Variants in RASAL2 observed in about 807,000 individuals in gnomAD.
RASAL2 encodes the protein RAS protein activator like 2.
In RASAL2, 58 loss-of-function variants were observed where a neutral mutation model predicts 128.9. That is an observed-to-expected ratio of 0.45 (90% CI 0.36 to 0.56). RASAL2 has a LOEUF of 0.56. Ranked by LOEUF, RASAL2 falls within the 20% of genes least tolerant of loss-of-function variation. The pLI, the probability that RASAL2 is intolerant of heterozygous loss-of-function variation, is 0.00. For missense variants in RASAL2, 1,360 were observed against 1,601.6 expected (o/e 0.85, Z 2.57); for synonymous variants, 561 against 580.8 (o/e 0.97, Z 0.49).
At chr1:178,395,013 A>G (rs953109149) in intron 4 of RASAL2, among the ~76,000 whole-genome samples, 1 of 152,186 alleles carries the variant, frequency 6.6e-6, no homozygotes, top group Admixed American at 6.5e-5. Flanking sequence ...TGAATCCTCT[A>G]TAAGATCCTA....
At chr1:178,136,391 G>A (rs1440003219) in intron 1 of RASAL2, among the ~76,000 whole-genome samples, 1 of 152,074 alleles carries the variant, frequency 6.6e-6, no homozygotes, top group Non-Finnish European at 1.5e-5. Flanking sequence ...TAGTATCTAA[G>A]GTTTCTTGTG....
At chr1:178,290,827 C>T (rs1376038393) in intron 2 of RASAL2, among the ~76,000 whole-genome samples, 4 of 152,058 alleles carry the variant, frequency 2.6e-5, no homozygotes, top group African/African-American at 9.7e-5. Flanking sequence ...AGGCGCCCAC[C>T]ACCACGCACG....
At chr1:178,104,541 G>A (rs562201432) in intron 1 of RASAL2, among the ~76,000 whole-genome samples, 1 of 152,266 alleles carries the variant, frequency 6.6e-6, no homozygotes, top group East Asian at 1.9e-4. Context: ...TCCTAGAAGA[G>A]TATGAAATGT....
chr1:178,185,685 A>G (rs1028068987), intron 1 of RASAL2, among the ~76,000 whole-genome samples: 9 of 151,916 alleles, frequency 5.9e-5, no homozygotes, highest in African/African-American at 2.2e-4. Context: ...TATATGGTGG[A>G]TTACATTTAT....
In RASAL2 at chr1:178,441,605, C is replaced by G; in HGVS notation, c.885C>G (p.Asp295Glu). The G allele has an allele frequency of 6.2e-7, 1 of 1,612,658 alleles. No homozygotes were observed. ...CFSCNSASER[D>E]KWMENLRRTV... ...GCTGTAATTCTGCTTCTGAGAGAGACAAGTGGATGGAAAACCTTCGCAGGA... is the reference window on the plus strand; with the variant it reads ...GCTGTAATTCTGCTTCTGAGAGAGAGAAGTGGATGGAAAACCTTCGCAGGA... The change falls in exon 7 of 18, where the codon GAC becomes GAG. Residue 295 changes from aspartate (D) to glutamate (E), a missense_variant. Asp to Glu is a conservative substitution (Grantham distance 45). Around this residue, in one of 3 missense-constraint regions of RASAL2, gnomAD observed 617 missense variants for 714.2 expected, o/e 0.86. Transcript: ENST00000367649.
At chr1:178,160,862 C>T (rs1016614593) in intron 1 of RASAL2, among the ~76,000 whole-genome samples, 2 of 152,092 alleles carry the variant, frequency 1.3e-5, no homozygotes, top group African/African-American at 4.8e-5. Flanking sequence ...CGTATTTAAA[C>T]TGGGTGGGAC....
chr1:178,179,810 T>C (rs1176448628), intron 1 of RASAL2, among the ~76,000 whole-genome samples: 1 of 152,192 alleles, frequency 6.6e-6, no homozygotes, highest in Non-Finnish European at 1.5e-5. Context: ...CTTCAACTAA[T>C]GACCACACTG....
chr1:178,130,164 ACT>A (rs1405809443), intron 1 of RASAL2, among the ~76,000 whole-genome samples: 55 of 152,272 alleles, frequency 3.6e-4, no homozygotes, highest in African/African-American at 1.3e-3. Flanking sequence ...AATGTCTCAA[ACT>A]TGATTTTTTT....
intron 3 of RASAL2, among the ~76,000 whole-genome samples, chr1:178,379,591 C>T (rs1672171498): frequency 6.6e-6 from 1 of 152,100 alleles, no homozygotes. Flanking sequence ...TTTTTCATAG[C>T]AAGTGAATAA....
At chr1:178,250,583 A>G (rs1042929065) in intron 1 of RASAL2, among the ~76,000 whole-genome samples, 15 of 152,008 alleles carry the variant, frequency 9.9e-5, no homozygotes, top group Non-Finnish European at 1.3e-4. Flanking sequence ...GAGAGTAAAC[A>G]GTGCTGTCTT....
At chr1:178,206,329 A>G (rs1663045311) in intron 1 of RASAL2, among the ~76,000 whole-genome samples, 1 of 152,202 alleles carries the variant, frequency 6.6e-6, no homozygotes, top group Admixed American at 6.5e-5. Context: ...ATCTTGCTAC[A>G]CTGATCCTGT....
chr1:178,188,852 A>G (rs1489723210), intron 1 of RASAL2, among the ~76,000 whole-genome samples: 1 of 152,114 alleles, frequency 6.6e-6, no homozygotes, highest in Admixed American at 6.6e-5. Flanking sequence ...GGAGTCACTA[A>G]AAGTACCTAA....
intron 1 of RASAL2, among the ~76,000 whole-genome samples, chr1:178,144,011 C>G (rs555587086): frequency 6.6e-6 from 1 of 152,100 alleles, no homozygotes; most frequent in Non-Finnish European, 1.5e-5. Flanking sequence ...TTTTCACTCT[C>G]TCATTATTCT....
At chr1:178,404,213 G>C (rs1293641966) in intron 4 of RASAL2, among the ~76,000 whole-genome samples, 1 of 137,960 alleles carries the variant, frequency 7.2e-6, no homozygotes, top group African/African-American at 2.7e-5. Flanking sequence ...GCTACAGTGC[G>C]AGACCCCGTC....
intron 1 of RASAL2, among the ~76,000 whole-genome samples, chr1:178,131,870 A>G (rs1403952347): frequency 1.3e-5 from 2 of 152,206 alleles, no homozygotes; most frequent in African/African-American, 2.4e-5. Context: ...TAACAATTAC[A>G]TGCTACCTGA....
At position 178,310,471 on chromosome 1, in the gene RASAL2, TA is replaced by T. The variant is rs928999605; in HGVS notation, c.457+10362del. Among the ~76,000 whole-genome samples the T allele has an allele frequency of 4.4e-4, 67 of 151,602 alleles. 1 individual carries two copies. In the East Asian group the frequency reaches 6.4e-3, roughly 14 times the overall value. On this transcript the variant is annotated intron_variant, in intron 3 of 17. Transcript: ENST00000367649. ...GGTCTCAAAACTGACATGAATAAAATAAAAAAAAACTAGTACTTAAGTTCTC... is the reference window on the plus strand; with the variant it reads ...GGTCTCAAAACTGACATGAATAAAATAAAAAAAACTAGTACTTAAGTTCTC...
rs1648558217 is a variant in RASAL2 at position 178,474,841 on chromosome 1, C to T, written c.*1602C>T. The T allele has an allele frequency of 6.6e-6, 1 of 151,888 alleles. No individual in the cohort carries two copies. The highest frequency in any genetic ancestry group is 2.4e-5 in the African/African-American group (1 of 41,322). The allele number at this position is 151,888 out of a possible 1,614,324, so 9.4% of individuals were successfully genotyped here. ...TAGTTGTTTTATATTGAGAAAGCAA[C>T]AATGTTTCTCGAATAAGTTGATGTT... is the stretch of plus-strand genomic sequence containing the variant. On this transcript the variant is annotated 3_prime_UTR_variant, in exon 18 of 18. Transcript: ENST00000367649.
rs189863691 is a variant in RASAL2 at position 178,446,929 on chromosome 1, A to G, written c.1627+1267A>G. On this transcript the variant is annotated intron_variant, in intron 9 of 17. Transcript: ENST00000367649. The stretch of plus-strand genomic sequence containing the variant: ...GCATGGGGGAAAGGACCCATAAACA[A>G]AAAGACATAGAGGTGGGACAGAACC... Among the ~76,000 whole-genome samples the G allele has an allele frequency of 2.0e-5, 3 of 152,356 alleles. No individual in the cohort carries two copies. The East Asian group carries it at 5.8e-4, about 29-fold the overall frequency.
At chr1:178,268,721 G>A (rs549258638) in intron 1 of RASAL2, among the ~76,000 whole-genome samples, 47 of 152,222 alleles carry the variant, frequency 3.1e-4, no homozygotes, top group Admixed American at 1.2e-3. Flanking sequence ...AGCCTCCTGA[G>A]TAGCTAGGAC....
Sources: gnomAD v4.1 joint callset for allele counts (sites outside exome capture counted in the v4.1 genomes callset) on GRCh38, gnomAD v4.1.1 for gene constraint, gnomAD v4.1.1 regional missense constraint, MANE v1.5 for transcripts, NCBI Gene and HGNC (gene_info 2026-07-23, HGNC 2026-07-21) for gene names.